The following SNX25 variants were observed in gnomAD, a reference collection of about 807,000 sequenced individuals.
SNX25 encodes the protein sorting nexin-25.
A neutral mutation model predicts 113.7 loss-of-function variants in SNX25; 62 were observed. The ratio of observed to expected loss-of-function variants is 0.55; its 90% CI spans 0.44 to 0.67. The LOEUF is 0.67. Among genes scored for constraint, SNX25 ranks in the 30% least tolerant of loss-of-function variants. SNX25 has a pLI of 0.00. For missense variants in SNX25, 1,014 were observed against 1,161.0 expected, an observed-to-expected ratio of 0.87 and a Z score of 1.84; for synonymous variants, 421 against 436.2, an observed-to-expected ratio of 0.97 and a Z score of 0.43.
intron 9 of SNX25, among the ~76,000 whole-genome samples, chr4:185,329,144 C>T (rs1397938198): frequency 6.6e-5 from 10 of 152,026 alleles, no homozygotes; most frequent in African/African-American, 2.2e-4. Context: ...ATTTGCTATT[C>T]GTGGTTATAA....
intron 3 of SNX25, 122 bp downstream of exon 3, chr4:185,259,186 A>G (rs1193978857): frequency 5.0e-6 from 4 of 802,004 alleles, no homozygotes; most frequent in Admixed American, 2.9e-5. Context: ...TTGAAAATGT[A>G]GATTTATTAA....
intron 6 of SNX25, among the ~76,000 whole-genome samples, chr4:185,308,168 C>T (rs990002318): frequency 1.7e-4 from 26 of 152,314 alleles, no homozygotes; most frequent in Admixed American, 6.5e-4. Flanking sequence ...CCCTTGCCTT[C>T]AGGTATATAT....
intron 16 of SNX25, among the ~76,000 whole-genome samples, chr4:185,359,794 G>A (rs192002589): frequency 1.8e-4 from 28 of 152,280 alleles, no homozygotes; most frequent in African/African-American, 6.3e-4. Context: ...TTATGATATT[G>A]GCTGTTAATT....
At chr4:185,212,489 G>GTGTGTT (rs1560889937) in intron 1 of SNX25, among the ~76,000 whole-genome samples, 1 of 43,362 alleles carries the variant, frequency 2.3e-5, no homozygotes, top group Admixed American at 2.8e-4. Context: ...GTGTGTGTGT[G>GTGTGTT]TGTTTTTTTT....
intron 13 of SNX25, 34 bp from the exon 14 acceptor site, chr4:185,351,411 C>T (rs1238426948): frequency 1.3e-5 from 21 of 1,600,826 alleles, no homozygotes; most frequent in Non-Finnish European, 1.7e-6. Flanking sequence ...GATAGTTTCC[C>T]ACACTGGAGC....
intron 7 of SNX25, among the ~76,000 whole-genome samples, chr4:185,311,994 G>A (rs1446663210): frequency 6.6e-6 from 1 of 152,216 alleles, no homozygotes; most frequent in Admixed American, 6.5e-5. Flanking sequence ...TACTGGCATT[G>A]TGTTCCAGAT....
chr4:185,368,310 C>A (rs1296500698), downstream of SNX25, among the ~76,000 whole-genome samples: 1 of 152,224 alleles, frequency 6.6e-6, no homozygotes, highest in Non-Finnish European at 1.5e-5. Context: ...GGGAGTCACC[C>A]TGCCTGACGG....
intron 7 of SNX25, among the ~76,000 whole-genome samples, chr4:185,314,856 CAAA>C (rs35230364): frequency 8.3e-5 from 8 of 96,384 alleles, no homozygotes; most frequent in East Asian, 2.9e-4. Context: ...GACTCTGTCT[CAAA>C]AAAAAAAAAA....
chr4:185,249,836 T>C (rs1745393968), intron 2 of SNX25, among the ~76,000 whole-genome samples: 1 of 152,238 alleles, frequency 6.6e-6, no homozygotes, highest in Non-Finnish European at 1.5e-5. Context: ...TTCTCTCGTC[T>C]GTCAATTATT....
At chr4:185,361,007 A>C (rs997169736) in intron 16 of SNX25, among the ~76,000 whole-genome samples, 3 of 151,746 alleles carry the variant, frequency 2.0e-5, no homozygotes, top group African/African-American at 7.3e-5. Flanking sequence ...TGGGTAACCA[A>C]ATAAAATGCA....
downstream of SNX25, chr4:185,365,499 G>GCA (rs2095383819): frequency 6.6e-6 from 1 of 151,904 alleles, no homozygotes; most frequent in African/African-American, 2.4e-5. Context: ...GGGACTACAG[G>GCA]CGTCCGCCAT....
chr4:185,339,477 T>TGGCATGTGGAAAGCCTC lies in SNX25; in HGVS notation c.2014_2030dup (p.Ile678AlafsTer27), dbSNP rs1348387274. 6.2e-7 allele frequency: 1 copy of TGGCATGTGGAAAGCCTC among 1,613,938 alleles called. No individual in the cohort carries two copies. Among genetic ancestry groups the TGGCATGTGGAAAGCCTC allele is most frequent in the Non-Finnish European group, 8.5e-7 (1 of 1,179,936 alleles). On this transcript the variant is annotated frameshift_variant, in exon 11 of 19. Transcript: ENST00000652585. LOFTEE classifies it high-confidence loss of function. ...GAACGGATTGGTGGTGTGAAAACCT[T>TGGCATGTGGAAAGCCTC]GGCATGTGGAAAGCCTCCATCACCA...
chr4:185,224,934 TG>T (rs1740747021), intron 1 of SNX25, among the ~76,000 whole-genome samples: 1 of 151,902 alleles, frequency 6.6e-6, no homozygotes, highest in African/African-American at 2.4e-5. Flanking sequence ...GAGCCCTGTT[TG>T]TTTTTTTAAA....
At chr4:185,206,682 A>AG (rs1491520149), upstream of SNX25, among the ~76,000 whole-genome samples, 2 of 148,668 alleles carry the variant, frequency 1.3e-5, no homozygotes, top group African/African-American at 5.0e-5. Context: ...AAAAAAAAAA[A>AG]GAATGGAAGA....
chr4:185,323,035 C>T (rs1015191942), intron 8 of SNX25, among the ~76,000 whole-genome samples: 1 of 152,162 alleles, frequency 6.6e-6, no homozygotes, highest in African/African-American at 2.4e-5. Flanking sequence ...GAAGACAAAG[C>T]TGTCTAATAT....
At chr4:185,250,523 C>CA (rs932776772) in intron 2 of SNX25, among the ~76,000 whole-genome samples, 2 of 152,196 alleles carry the variant, frequency 1.3e-5, no homozygotes, top group African/African-American at 4.8e-5. Flanking sequence ...AAAAAACACA[C>CA]AAAAGACATT....
chr4:185,329,000 A>C (rs891208287), intron 9 of SNX25, among the ~76,000 whole-genome samples: 3 of 152,120 alleles, frequency 2.0e-5, no homozygotes, highest in Non-Finnish European at 4.4e-5. Context: ...AAGGGGTTTC[A>C]AAGGAAGGAG....
intron 2 of SNX25, among the ~76,000 whole-genome samples, chr4:185,254,468 C>T (rs906887827): frequency 2.6e-5 from 4 of 152,124 alleles, no homozygotes; most frequent in South Asian, 2.1e-4. Context: ...ATCTCTGAAT[C>T]GCATTTCTAA....
At position 185,339,470 on chromosome 4, in the gene SNX25, A is replaced by G. The variant is rs775612037; in HGVS notation, c.2006A>G (p.Glu669Gly). 1 of 1,614,086 alleles carries G rather than the reference A, an allele frequency of 6.2e-7. No individual in the cohort carries two copies. Among genetic ancestry groups the G allele is most frequent in the Non-Finnish European group, 8.5e-7 (1 of 1,179,942 alleles). ...ATGGCAAGAACGGATTGGTGGTGTG[A>G]AAACCTTGGCATGTGGAAAGCCTCC... ...LHMARTDWWC[E>G]NLGMWKASIT... Residue 669 changes from glutamate (E) to glycine (G), a missense_variant, in exon 11 of 19, where the codon GAA becomes GGA. Physicochemically the swap from Glu to Gly is moderately conservative, Grantham distance 98 (BLOSUM62 -2). Transcript: ENST00000652585.
Sources: allele counts gnomAD v4.1 joint callset (sites outside exome capture counted in the v4.1 genomes callset), GRCh38; gene constraint gnomAD v4.1.1; transcripts MANE v1.5; gene names NCBI Gene and HGNC (gene_info 2026-07-23, HGNC 2026-07-21).